The following NAALADL2 variants were observed in gnomAD, a reference collection of about 807,000 sequenced individuals.
NAALADL2 encodes N-acetylated alpha-linked acidic dipeptidase like 2, also known as inactive N-acetylated-alpha-linked acidic dipeptidase-like protein 2.
Under a neutral mutation model 87.2 loss-of-function variants are expected in NAALADL2, and 76 were observed. The ratio of observed to expected loss-of-function variants is 0.87; its 90% confidence interval spans 0.72 to 1.05. The LOEUF (loss-of-function observed/expected upper bound fraction) is 1.05. NAALADL2 is among the 50% of genes least tolerant of loss of function. The probability of loss-of-function intolerance (pLI) is 0.00; values close to 1 mark genes in which losing one functional copy is unlikely to be tolerated. For synonymous variants in NAALADL2, 354 were observed against 331.0 expected (o/e 1.07, Z -0.75); for missense variants, 1,089 against 945.8 (o/e 1.15, Z -1.99).
At chr3:175,430,918 A>T (rs2149161434) in intron 5 of NAALADL2, among the ~76,000 whole-genome samples, 1 of 152,168 alleles carries the variant, frequency 6.6e-6, no homozygotes, top group South Asian at 2.1e-4. Context: ...TATATAGGTG[A>T]TATAGGTATA....
intron 12 of NAALADL2, among the ~76,000 whole-genome samples, chr3:175,748,462 A>G (rs1746210961): frequency 6.6e-6 from 1 of 152,214 alleles, no homozygotes; most frequent in Non-Finnish European, 1.5e-5. Flanking sequence ...TAACCACTGT[A>G]TTATGCAGAA....
intron 4 of NAALADL2, among the ~76,000 whole-genome samples, chr3:175,295,738 CACACACACT>C (rs1258110672): frequency 4.0e-5 from 6 of 151,474 alleles, no homozygotes; most frequent in African/African-American, 1.5e-4. Context: ...CACACACACA[CACACACACT>C]CCCTCTCTCT....
At chr3:175,226,466 G>A (rs898690223) in intron 2 of NAALADL2, among the ~76,000 whole-genome samples, 2 of 151,978 alleles carry the variant, frequency 1.3e-5, no homozygotes, top group Non-Finnish European at 2.9e-5. Flanking sequence ...ATCTCAGATT[G>A]GGAAACTAGC....
chr3:175,197,633 G>C (rs1739219581), intron 2 of NAALADL2, among the ~76,000 whole-genome samples: 1 of 151,768 alleles, frequency 6.6e-6, no homozygotes, highest in Admixed American at 6.6e-5. Flanking sequence ...AGTAATAAAT[G>C]TTAATTAATT....
At chr3:175,119,607 G>A (rs1437611344) in intron 2 of NAALADL2, among the ~76,000 whole-genome samples, 1 of 150,540 alleles carries the variant, frequency 6.6e-6, no homozygotes, top group Admixed American at 6.7e-5. Context: ...GTCGAAGTCA[G>A]ATTATGAAAA....
chr3:175,466,829 CAG>C (rs1380172815), intron 7 of NAALADL2, 148 bp from the exon 8 acceptor site: 2 of 652,986 alleles, frequency 3.1e-6, no homozygotes, highest in African/African-American at 4.0e-5. Context: ...TGAATTAAGA[CAG>C]TGAGCAAAAA....
At chr3:175,650,175 T>G (rs1390480028) in intron 11 of NAALADL2, among the ~76,000 whole-genome samples, 1 of 151,842 alleles carries the variant, frequency 6.6e-6, no homozygotes, top group African/African-American at 2.4e-5. Context: ...TCAACGTGGG[T>G]GAACTTCAAA....
At chr3:175,335,649 T>C (rs1205572905) in intron 5 of NAALADL2, among the ~76,000 whole-genome samples, 5 of 152,184 alleles carry the variant, frequency 3.3e-5, no homozygotes, top group Admixed American at 3.3e-4. Context: ...CTTTAAAGTG[T>C]TATTGCATTT....
chr3:175,334,573 T>C (rs577932055), intron 5 of NAALADL2, among the ~76,000 whole-genome samples: 4 of 152,318 alleles, frequency 2.6e-5, no homozygotes, highest in East Asian at 3.9e-4. Flanking sequence ...ATTCTTCTTA[T>C]TTATCCTTTG....
intron 2 of NAALADL2, among the ~76,000 whole-genome samples, chr3:175,106,751 G>T (rs1213950954): frequency 6.6e-6 from 1 of 151,902 alleles, no homozygotes; most frequent in African/African-American, 2.4e-5. Context: ...TGGCAGACGT[G>T]GTCCTTTGAA....
At chr3:174,949,829 G>A (rs371636107) in intron 1 of NAALADL2, among the ~76,000 whole-genome samples, 2 of 152,182 alleles carry the variant, frequency 1.3e-5, no homozygotes, top group African/African-American at 4.8e-5. Context: ...GAAGAAGTGT[G>A]GAGCAAGAGT....
At chr3:175,427,313 A>G (rs1236470572) in intron 5 of NAALADL2, among the ~76,000 whole-genome samples, 1 of 152,186 alleles carries the variant, frequency 6.6e-6, no homozygotes, top group African/African-American at 2.4e-5. Context: ...TGCATATTGC[A>G]AAGGCATTTG....
intron 10 of NAALADL2, among the ~76,000 whole-genome samples, chr3:175,590,899 A>ATG (rs770237066): frequency 2.0e-4 from 30 of 152,156 alleles, no homozygotes; most frequent in Non-Finnish European, 4.1e-4. Context: ...GAACAAAGGT[A>ATG]TGTGTGTGTG....
chr3:174,865,125 G>A (rs1726991126), intron 1 of NAALADL2, among the ~76,000 whole-genome samples: 1 of 151,848 alleles, frequency 6.6e-6, no homozygotes, highest in African/African-American at 2.4e-5. Flanking sequence ...AATTTATATT[G>A]AAAAGTAATT....
chr3:175,787,672 C>G (rs951697500), intron 13 of NAALADL2, among the ~76,000 whole-genome samples: 2 of 152,132 alleles, frequency 1.3e-5, no homozygotes, highest in African/African-American at 4.8e-5. Context: ...CACCCGTCTT[C>G]TGCGTCGCTC....
chr3:175,369,063 C>T (rs929498372), intron 5 of NAALADL2, among the ~76,000 whole-genome samples: 1 of 152,130 alleles, frequency 6.6e-6, no homozygotes, highest in Non-Finnish European at 1.5e-5. Flanking sequence ...ACTTAGGTTA[C>T]ACTAAATTTG....
chr3:175,538,893 A>G (rs1429266202), intron 9 of NAALADL2, among the ~76,000 whole-genome samples: 1 of 152,222 alleles, frequency 6.6e-6, no homozygotes, highest in African/African-American at 2.4e-5. Flanking sequence ...CAGCTCAAGG[A>G]CAGATTTACT....
At chr3:174,548,243 T>C (rs986616924) in intron 1 of NAALADL2, among the ~76,000 whole-genome samples, 3 of 152,274 alleles carry the variant, frequency 2.0e-5, no homozygotes, top group African/African-American at 7.2e-5. Context: ...GAGTATTATA[T>C]AGCTCTTAAA....
intron 10 of NAALADL2, among the ~76,000 whole-genome samples, chr3:175,620,185 C>A (rs375573127): frequency 2.6e-5 from 4 of 152,288 alleles, no homozygotes; most frequent in African/African-American, 7.2e-5. Flanking sequence ...ACTTTGCCAG[C>A]CAGAAATCTC....
Sources: gnomAD v4.1 joint callset for allele counts (sites outside exome capture counted in the v4.1 genomes callset) on GRCh38, gnomAD v4.1.1 for gene constraint, MANE v1.5 for transcripts, NCBI Gene and HGNC (gene_info 2026-07-23, HGNC 2026-07-21) for gene names.